MECOM: variants seen among roughly 807,000 people sequenced by gnomAD.
MECOM encodes the protein histone-lysine N-methyltransferase MECOM.
In MECOM, 13 loss-of-function variants were observed where a neutral mutation model predicts 116.3. That is an observed-to-expected ratio of 0.11 (90% confidence interval 0.07 to 0.18). The LOEUF (loss-of-function observed/expected upper bound fraction) is 0.18. Ranked by LOEUF, MECOM falls within the 10% of genes least tolerant of loss-of-function variation. MECOM has a pLI of 1.00. For missense variants in MECOM, 1,299 were observed against 1,509.0 expected (o/e 0.86, Z 2.31); for synonymous variants, 528 against 535.2 (o/e 0.99, Z 0.19).
chr3:169,614,289 C>T (rs1769701218), intron 1 of MECOM, among the ~76,000 whole-genome samples: 1 of 151,784 alleles, frequency 6.6e-6, no homozygotes, highest in Admixed American at 6.6e-5. Flanking sequence ...GTCCAAAATT[C>T]CTCCCTCACT....
intron 1 of MECOM, among the ~76,000 whole-genome samples, chr3:169,502,756 A>G (rs1754686193): frequency 6.6e-6 from 1 of 152,190 alleles, no homozygotes; most frequent in African/African-American, 2.4e-5. Flanking sequence ...GGAAGAAATG[A>G]AGAATAATTT....
rs540644953 is a variant in MECOM, at chr3:169,549,673, A to G, written c.37+113663T>C. ...CACCTTCTTGGAGAAGGGACAGCACAGAAAAGATTACATGTCATTTTTTAA... is the reference window on the plus strand; with the variant it reads ...CACCTTCTTGGAGAAGGGACAGCACGGAAAAGATTACATGTCATTTTTTAA... On this transcript the variant is annotated intron_variant, in intron 1 of 16. Coordinates refer to ENST00000651503, the MANE Select transcript of MECOM (RefSeq NM_004991.4). 3.2e-3 allele frequency among the ~76,000 whole-genome samples: 494 copies of G among 152,320 alleles called. 4 individuals carry two copies. The highest frequency in any genetic ancestry group is 0.011 in the African/African-American group (473 of 41,578).
intron 1 of MECOM, among the ~76,000 whole-genome samples, chr3:169,434,005 C>T (rs1047293085): frequency 1.3e-5 from 2 of 152,214 alleles, no homozygotes; most frequent in Admixed American, 1.3e-4. Context: ...GAAATTGCCT[C>T]TTTAATTTTA....
At chr3:169,604,856 T>C (rs145870490) in intron 1 of MECOM, among the ~76,000 whole-genome samples, 145 of 152,328 alleles carry the variant, frequency 9.5e-4, no homozygotes, top group African/African-American at 3.3e-3. Flanking sequence ...CTGTTGGACA[T>C]TGAGCTTGTA....
intron 14 of MECOM, among the ~76,000 whole-genome samples, chr3:169,091,994 G>T (rs1719873190): frequency 6.6e-6 from 1 of 151,994 alleles, no homozygotes; most frequent in South Asian, 2.1e-4. Flanking sequence ...TCACTATATA[G>T]TCGTGTTCAG....
At chr3:169,097,840 A>C (rs941333464) in intron 12 of MECOM, among the ~76,000 whole-genome samples, 1 of 140,600 alleles carries the variant, frequency 7.1e-6, no homozygotes, top group African/African-American at 2.6e-5. Flanking sequence ...AAAAAAAAAA[A>C]GGTGGATTCC....
chr3:169,158,452 C>T (rs761503147), intron 2 of MECOM, among the ~76,000 whole-genome samples: 1 of 152,014 alleles, frequency 6.6e-6, no homozygotes, highest in Non-Finnish European at 1.5e-5. Flanking sequence ...GAGCCTTTAC[C>T]CAGGAAAGAG....
chr3:169,249,705 A>G (rs1185191708), intron 2 of MECOM, among the ~76,000 whole-genome samples: 2 of 152,218 alleles, frequency 1.3e-5, no homozygotes, highest in Non-Finnish European at 2.9e-5. Context: ...GGCTTAGAAC[A>G]CAGTTTAAAG....
chr3:169,145,378 C>T (rs1037991594), intron 2 of MECOM: 7 of 267,614 alleles, frequency 2.6e-5, no homozygotes, highest in African/African-American at 1.5e-4. Flanking sequence ...GAGATTTCCC[C>T]CCATCCCAGA....
chr3:169,381,601 A>T, intron 1 of MECOM, 77 bp from the exon 2 acceptor site: 1 of 1,112,246 alleles, frequency 9.0e-7, no homozygotes, highest in South Asian at 1.7e-5. Context: ...CCACCTTATT[A>T]TGTTGTTCTT....
intron 2 of MECOM, among the ~76,000 whole-genome samples, chr3:169,301,066 C>T (rs1340461642): frequency 1.3e-5 from 2 of 152,256 alleles, no homozygotes; most frequent in African/African-American, 4.8e-5. Context: ...ACCTTAGCCA[C>T]AGCTCTCTTT....
At chr3:169,592,947 T>G (rs1362773) in intron 1 of MECOM, among the ~76,000 whole-genome samples, 118,798 of 152,216 alleles carry the variant, frequency 0.78, 46,716 homozygotes, top group African/African-American at 0.86. Flanking sequence ...CGGTGTATGT[T>G]TATATATCTA....
chr3:169,627,789 C>T (rs1295645584), intron 1 of MECOM, among the ~76,000 whole-genome samples: 1 of 152,140 alleles, frequency 6.6e-6, no homozygotes, highest in Non-Finnish European at 1.5e-5. Context: ...GTGAGATAAA[C>T]TAATGGCCTT....
chr3:169,304,810 T>C (rs540053620), intron 2 of MECOM, among the ~76,000 whole-genome samples: 1 of 152,232 alleles, frequency 6.6e-6, no homozygotes, highest in East Asian at 1.9e-4. Flanking sequence ...TCCTCTGTTT[T>C]GTCTCTTAAA....
intron 9 of MECOM, among the ~76,000 whole-genome samples, chr3:169,108,546 C>G (rs768008995): frequency 1.3e-5 from 2 of 152,092 alleles, no homozygotes; most frequent in South Asian, 2.1e-4. Flanking sequence ...ACTGGGAAAA[C>G]CTTCAGTGGG....
At chr3:169,419,727 G>A (rs1192360596) in intron 1 of MECOM, among the ~76,000 whole-genome samples, 4 of 152,078 alleles carry the variant, frequency 2.6e-5, no homozygotes, top group Non-Finnish European at 4.4e-5. Context: ...AACACCAAAA[G>A]CAATGGCAAC....
rs11924008 is a variant in MECOM, at chr3:169,285,265, C to T, written c.375+95922G>A. On this transcript the variant is annotated intron_variant, in intron 2 of 16. Transcript: ENST00000651503. ...TGGACAATAACAGCTGAGCTGCAGA[C>T]GCTCTGCAGCCCTGCTTCTGTGGCG... Among the ~76,000 whole-genome samples, 965 of 152,246 alleles carry T rather than the reference C, an allele frequency of 6.3e-3. 7 individuals carry two copies. The highest frequency in any genetic ancestry group is 0.021 in the African/African-American group (884 of 41,552).
chr3:169,436,582 A>G (rs1048966425), intron 1 of MECOM, among the ~76,000 whole-genome samples: 1 of 152,060 alleles, frequency 6.6e-6, no homozygotes, highest in Non-Finnish European at 1.5e-5. Flanking sequence ...AGTTTCTTCA[A>G]TACGATTTGG....
chr3:169,122,887 C>T (rs1731516641), intron 5 of MECOM, among the ~76,000 whole-genome samples, 160 bp from the exon 6 acceptor site: 1 of 152,080 alleles, frequency 6.6e-6, no homozygotes, highest in Admixed American at 6.6e-5. Flanking sequence ...GACAAAAGTG[C>T]ATTTTATATT....
Sources: gnomAD v4.1 joint callset for allele counts (sites outside exome capture counted in the v4.1 genomes callset) on GRCh38, gnomAD v4.1.1 for gene constraint, MANE v1.5 for transcripts, NCBI Gene and HGNC (gene_info 2026-07-23, HGNC 2026-07-21) for gene names.